The following FAR1 variants were observed in gnomAD, a reference collection of about 807,000 sequenced individuals.
FAR1 encodes male sterility domain-containing protein 2.
A neutral mutation model predicts 61.1 loss-of-function variants in FAR1; 22 were observed. That is an observed-to-expected ratio of 0.36 (90% CI 0.26 to 0.51). FAR1 has a LOEUF of 0.51. FAR1 is among the 20% of genes least tolerant of loss of function. The pLI is 0.95. For missense variants in FAR1, 359 were observed against 626.9 expected (o/e 0.57, Z 4.56); for synonymous variants, 206 against 209.7 (o/e 0.98, Z 0.15).
chr11:13,704,352 A>AT (rs1848411368), intron 3 of FAR1, among the ~76,000 whole-genome samples: 1 of 152,176 alleles, frequency 6.6e-6, no homozygotes, highest in African/African-American at 2.4e-5. Context: ...CCAAGGTATG[A>AT]ATATGAAAGA....
intron 1 of FAR1, among the ~76,000 whole-genome samples, chr11:13,671,484 T>C (rs760883299): frequency 7.2e-5 from 11 of 152,158 alleles, no homozygotes; most frequent in Non-Finnish European, 1.6e-4. Context: ...GGAAAGAGCA[T>C]AAAATATTTG....
intron 1 of FAR1, among the ~76,000 whole-genome samples, chr11:13,682,080 T>G (rs189395793): frequency 1.2e-4 from 18 of 152,320 alleles, no homozygotes; most frequent in African/African-American, 4.1e-4. Context: ...TTTAAAAATA[T>G]ATATCTTGAA....
At chr11:13,681,000 G>T (rs775461748) in intron 1 of FAR1, among the ~76,000 whole-genome samples, 69 of 152,170 alleles carry the variant, frequency 4.5e-4, no homozygotes, top group Non-Finnish European at 1.8e-4. Context: ...TCTAACTTCT[G>T]TAAAACAAGT....
chr11:13,677,789 A>G (rs1426678922), intron 1 of FAR1, among the ~76,000 whole-genome samples: 1 of 152,200 alleles, frequency 6.6e-6, no homozygotes, highest in Non-Finnish European at 1.5e-5. Context: ...GTCAAGGTAT[A>G]AGCATTTTTT....
At position 13,695,235 on chromosome 11, in the gene FAR1, GTTGT is replaced by G. The variant is rs201413512; in HGVS notation, c.189+286_189+289del. ...TATGTTTTTAGAACATTTGAGGCAGGTTGTTTGTAACTACTAAATAATTTAAATA... is the reference window on the plus strand; with the variant it reads ...TATGTTTTTAGAACATTTGAGGCAGGTTGTAACTACTAAATAATTTAAATA... On this transcript the variant is annotated intron_variant, in intron 2 of 11. Transcript: ENST00000354817. Among the ~76,000 whole-genome samples the G allele has an allele frequency of 7.4e-3, 1,129 of 151,942 alleles. 11 individuals are homozygous for G. Among genetic ancestry groups the G allele is most frequent in the African/African-American group, 0.026 (1,056 of 41,288 alleles).
rs558564454 is a variant in FAR1, at chr11:13,683,601, G to A, written c.-7-11158G>A. On this transcript the variant is annotated intron_variant, in intron 1 of 11. Coordinates refer to ENST00000354817, the MANE Select transcript of FAR1 (RefSeq NM_032228.6). Reference sequence around the variant, plus strand: ...TAGCGATGTTGCCCAGGCTGGTCTCGAACTCCTGGCCTCAAGTGATCCTCC... The same window carrying A: ...TAGCGATGTTGCCCAGGCTGGTCTCAAACTCCTGGCCTCAAGTGATCCTCC... Among the ~76,000 whole-genome samples the A allele has an allele frequency of 7.0e-4, 106 of 151,908 alleles. 1 individual carries two copies. Among genetic ancestry groups the A allele is most frequent in the Non-Finnish European group, 1.3e-3 (87 of 67,950 alleles).
intron 2 of FAR1, among the ~76,000 whole-genome samples, chr11:13,699,732 A>T (rs1848349346): frequency 6.6e-6 from 1 of 152,204 alleles, no homozygotes; most frequent in Non-Finnish European, 1.5e-5. Context: ...TGTTCAGCTT[A>T]AATCCTATAT....
intron 10 of FAR1, among the ~76,000 whole-genome samples, chr11:13,724,648 ACTTT>A (rs1374090484): frequency 1.3e-5 from 2 of 149,936 alleles, no homozygotes; most frequent in Non-Finnish European, 1.5e-5. Flanking sequence ...CTTCCCACTT[ACTTT>A]TTTTATTTTC....
intron 1 of FAR1, among the ~76,000 whole-genome samples, chr11:13,675,305 C>G (rs1305721919): frequency 6.6e-6 from 1 of 152,062 alleles, no homozygotes; most frequent in African/African-American, 2.4e-5. Context: ...GGTAGAGACT[C>G]TTAAGTGGGA....
chr11:13,669,420 G>C (rs1458902274), intron 1 of FAR1: 1 of 152,558 alleles, frequency 6.6e-6, no homozygotes, highest in Non-Finnish European at 1.5e-5. Context: ...TCTGGAGTAA[G>C]AGGCACCTAC....
intron 1 of FAR1, among the ~76,000 whole-genome samples, chr11:13,683,090 C>G (rs1848146096): frequency 6.6e-6 from 1 of 152,038 alleles, no homozygotes; most frequent in Admixed American, 6.6e-5. Context: ...ATGAGATAAG[C>G]AGAATTAATT....
rs1435176014 is a variant in FAR1 at position 13,730,689 on chromosome 11, G to A, written c.*1915G>A. ...TCTGTGTGTCTTGCAAAAGAGTTGGGGACAACTTGGGCAGGCCTATGAAGT... is the reference window on the plus strand; with the variant it reads ...TCTGTGTGTCTTGCAAAAGAGTTGGAGACAACTTGGGCAGGCCTATGAAGT... On this transcript the variant is annotated 3_prime_UTR_variant, in exon 12 of 12. Coordinates refer to ENST00000354817, the MANE Select transcript of FAR1 (RefSeq NM_032228.6). 6.6e-6 allele frequency: 1 copy of A among 152,014 alleles called. No homozygotes were observed. The highest frequency in any genetic ancestry group is 1.5e-5 in the Non-Finnish European group (1 of 67,972). 9.4% of individuals were successfully genotyped at this position (152,014 alleles called of 1,614,324 possible). A position where few individuals can be genotyped will look rare whatever the true frequency, so the allele number is the denominator to read the frequency against.
intron 4 of FAR1, among the ~76,000 whole-genome samples, chr11:13,709,798 G>A (rs147371519): frequency 9.9e-5 from 15 of 152,106 alleles, no homozygotes; most frequent in Middle Eastern, 3.4e-3. Flanking sequence ...TCTGTTTTAT[G>A]CTTTCTTATC....
intron 1 of FAR1, among the ~76,000 whole-genome samples, chr11:13,689,263 A>G (rs924926971): frequency 1.3e-5 from 2 of 152,352 alleles, no homozygotes; most frequent in African/African-American, 4.8e-5. Flanking sequence ...AGATCAAGAA[A>G]TAGAAATAGA....
intron 1 of FAR1, among the ~76,000 whole-genome samples, chr11:13,692,998 G>C (rs1403101590): frequency 1.3e-5 from 2 of 152,178 alleles, no homozygotes; most frequent in East Asian, 3.9e-4. Flanking sequence ...TTTGGTAGCT[G>C]ATAGTGGCTT....
intron 3 of FAR1, among the ~76,000 whole-genome samples, chr11:13,704,265 G>A (rs1158692138): frequency 6.6e-6 from 1 of 151,906 alleles, no homozygotes; most frequent in African/African-American, 2.4e-5. Context: ...AGGGAGAGAT[G>A]GATGGACAGA....
intron 9 of FAR1, among the ~76,000 whole-genome samples, chr11:13,716,489 CAG>C (rs1299631257): frequency 6.6e-6 from 1 of 152,084 alleles, no homozygotes; most frequent in Admixed American, 6.5e-5. Flanking sequence ...GGCCGGTGGG[CAG>C]AGAGGCAATG....
rs146816221 is a variant in FAR1 at position 13,714,630 on chromosome 11, C to G, written c.1077C>G (p.Ala359=). The G allele has an allele frequency of 6.3e-4, 1,020 of 1,612,902 alleles. No individual in the cohort carries two copies. Among genetic ancestry groups the G allele is most frequent in the Non-Finnish European group, 8.3e-4 (982 of 1,179,490 alleles). The stretch of plus-strand genomic sequence containing the variant: ...ACTGGATTGCTGTAAGCCATAAGGC[C>G]CCAGCATTCCTGTATGATATCTACC... ...YHYWIAVSHK[A]PAFLYDIYLR... is the part of the protein sequence containing the mutation. Residue 359 remains alanine (A), a synonymous_variant, in exon 9 of 12, where the codon GCC becomes GCG. Transcript: ENST00000354817.
chr11:13,731,854 A>G lies in FAR1; in HGVS notation c.*3080A>G, dbSNP rs1848730263. 6.6e-6 allele frequency: 1 copy of G among 152,278 alleles called. No homozygotes were observed. Among genetic ancestry groups the G allele is most frequent in the Middle Eastern group, 3.4e-3 (1 of 294 alleles). The allele number at this position is 152,278 out of a possible 1,614,324, so 9.4% of individuals were successfully genotyped here. ...TATAGGCACATTTGTGGTAATTTATATGTCTATAGAGTAAGTATAAGAGAT... is the reference window on the plus strand; with the variant it reads ...TATAGGCACATTTGTGGTAATTTATGTGTCTATAGAGTAAGTATAAGAGAT... On this transcript the variant is annotated 3_prime_UTR_variant, in exon 12 of 12. Coordinates refer to ENST00000354817, the MANE Select transcript of FAR1 (RefSeq NM_032228.6).
Sources: gnomAD v4.1 joint callset for allele counts (sites outside exome capture counted in the v4.1 genomes callset) on GRCh38, gnomAD v4.1.1 for gene constraint, MANE v1.5 for transcripts, NCBI Gene and HGNC (gene_info 2026-07-23, HGNC 2026-07-21) for gene names.